ADAMTS19: variants seen among roughly 807,000 people sequenced by gnomAD.
ADAMTS19 encodes the protein A disintegrin and metalloproteinase with thrombospondin motifs 19.
A neutral mutation model predicts 153.3 loss-of-function variants in ADAMTS19; 93 were observed. The ratio of observed to expected loss-of-function variants is 0.61; its 90% CI spans 0.51 to 0.72. The LOEUF (loss-of-function observed/expected upper bound fraction) is 0.72. Ranked by LOEUF, ADAMTS19 falls within the 30% of genes least tolerant of loss-of-function variation. The pLI, the probability that ADAMTS19 is intolerant of heterozygous loss-of-function variation, is 0.00. For synonymous variants in ADAMTS19, 600 were observed against 556.6 expected (o/e 1.08, Z -1.10); for missense variants, 1,482 against 1,552.1 (o/e 0.95, Z 0.76).
chr5:129,654,481 G>T (rs1246258292), intron 14 of ADAMTS19, 48 bp downstream of exon 14: 11 of 1,582,424 alleles, frequency 7.0e-6, no homozygotes, highest in Middle Eastern at 1.7e-4. Flanking sequence ...AAGGAAAATT[G>T]TGGGACCACT....
At chr5:129,511,733 C>T (rs770016744) in intron 3 of ADAMTS19, among the ~76,000 whole-genome samples, 8 of 151,678 alleles carry the variant, frequency 5.3e-5, no homozygotes, top group South Asian at 4.2e-4. Flanking sequence ...TAATGGACTT[C>T]GGGATCAGAC....
At chr5:129,611,138 T>G (rs1751193102) in intron 8 of ADAMTS19, among the ~76,000 whole-genome samples, 1 of 151,958 alleles carries the variant, frequency 6.6e-6, no homozygotes, top group Admixed American at 6.6e-5. Flanking sequence ...TGGGGTCGTT[T>G]GCTTTTCTCT....
intron 21 of ADAMTS19, among the ~76,000 whole-genome samples, chr5:129,710,576 A>C (rs1312453794): frequency 6.6e-6 from 1 of 152,168 alleles, no homozygotes; most frequent in Non-Finnish European, 1.5e-5. Context: ...GGTGATATTA[A>C]AATGTTCAAG....
chr5:129,716,339 C>T (rs1271270024), intron 21 of ADAMTS19, among the ~76,000 whole-genome samples: 1 of 152,012 alleles, frequency 6.6e-6, no homozygotes, highest in East Asian at 1.9e-4. Context: ...GCTGGGACTA[C>T]AGGCATGCAC....
intron 21 of ADAMTS19, among the ~76,000 whole-genome samples, chr5:129,724,328 T>A (rs144518024): frequency 2.4e-3 from 373 of 152,316 alleles, no homozygotes; most frequent in African/African-American, 8.5e-3. Context: ...GCTTTGTCAA[T>A]CTTAAGGTCT....
chr5:129,620,686 G>A lies in ADAMTS19; in HGVS notation c.1547G>A (p.Trp516Ter). Residue 516 changes from tryptophan (W) to a stop codon, truncating the protein, a stop_gained, in exon 9 of 23, where the codon TGG (tryptophan) becomes TAG (stop). Transcript: ENST00000274487. LOFTEE classifies it high-confidence loss of function. Reference protein sequence around the residue: ...ADGLHIMSGEWIKGQNLGDVS... With the variant: ...ADGLHIMSGE Reference sequence around the variant, plus strand: ...GGTCTTCATATCATGTCTGGTGAATGGATTAAAGGACAGAATCTTGGTGAC... The same window carrying A: ...GGTCTTCATATCATGTCTGGTGAATAGATTAAAGGACAGAATCTTGGTGAC... 1.2e-6 allele frequency: 2 copies of A among 1,612,968 alleles called. No individual in the cohort carries two copies. The highest frequency in any genetic ancestry group is 8.5e-7 in the Non-Finnish European group (1 of 1,179,276).
intron 10 of ADAMTS19, among the ~76,000 whole-genome samples, chr5:129,634,635 A>C (rs1306449309): frequency 5.9e-5 from 9 of 151,872 alleles, no homozygotes; most frequent in Non-Finnish European, 1.3e-4. Context: ...GCAAACCTAC[A>C]ACTATCTTAT....
At chr5:129,528,427 A>T in intron 5 of ADAMTS19, 93 bp from the exon 6 acceptor site, 1 of 1,018,554 alleles carries the variant, frequency 9.8e-7, no homozygotes, top group Non-Finnish European at 1.4e-6. Flanking sequence ...TTGCTTTAGT[A>T]ATTCAAGAGT....
chr5:129,604,057 G>C (rs969635929), intron 8 of ADAMTS19, among the ~76,000 whole-genome samples: 2 of 151,932 alleles, frequency 1.3e-5, no homozygotes, highest in Non-Finnish European at 2.9e-5. Context: ...GTTCCAGTGA[G>C]AGCACATAGA....
chr5:129,463,395 T>TA (rs556293571), intron 2 of ADAMTS19, among the ~76,000 whole-genome samples: 276 of 152,264 alleles, frequency 1.8e-3, no homozygotes, highest in African/African-American at 6.3e-3. Context: ...AAAGTATTTA[T>TA]AAAAAAAGAA....
At chr5:129,730,619 G>A (rs1198707701) in intron 21 of ADAMTS19, among the ~76,000 whole-genome samples, 1 of 151,978 alleles carries the variant, frequency 6.6e-6, no homozygotes, top group Non-Finnish European at 1.5e-5. Context: ...AATACAAAGG[G>A]TCTATGTTAA....
At chr5:129,570,792 T>A (rs543885965) in intron 7 of ADAMTS19, among the ~76,000 whole-genome samples, 1 of 152,022 alleles carries the variant, frequency 6.6e-6, no homozygotes, top group South Asian at 2.1e-4. Flanking sequence ...TGCAATCAAA[T>A]ACATTAAAAG....
intron 4 of ADAMTS19, 47 bp from the exon 5 acceptor site, chr5:129,527,701 A>G: frequency 9.1e-7 from 1 of 1,101,912 alleles, no homozygotes; most frequent in East Asian, 2.7e-5. Flanking sequence ...AAAAATTAAG[A>G]TGATTTTCAG....
chr5:129,481,627 T>C lies in ADAMTS19; in HGVS notation c.747+19870T>C, dbSNP rs192167681. Among the ~76,000 whole-genome samples, 33 of 152,318 alleles carry C rather than the reference T, an allele frequency of 2.2e-4. No individual in the cohort carries two copies. In the East Asian group the frequency reaches 5.8e-3, roughly 27 times the overall value. On this transcript the variant is annotated intron_variant, in intron 2 of 22. Coordinates refer to ENST00000274487, the MANE Select transcript of ADAMTS19 (RefSeq NM_133638.6). Reference sequence around the variant, plus strand: ...TGCATTTTAGTGGTGCGATCTCAGGTGATCTTTGCTTGTTTAGCCCACATT... The same window carrying C: ...TGCATTTTAGTGGTGCGATCTCAGGCGATCTTTGCTTGTTTAGCCCACATT...
intron 19 of ADAMTS19, among the ~76,000 whole-genome samples, chr5:129,700,155 G>C (rs1234919544): frequency 6.6e-6 from 1 of 152,186 alleles, no homozygotes; most frequent in African/African-American, 2.4e-5. Flanking sequence ...ATAGGTTTTA[G>C]TTCTTTCCTA....
At chr5:129,690,627 T>C (rs1254976492) in intron 18 of ADAMTS19, among the ~76,000 whole-genome samples, 1 of 152,070 alleles carries the variant, frequency 6.6e-6, no homozygotes, top group Non-Finnish European at 1.5e-5. Flanking sequence ...AAAAAGTAAA[T>C]GGCATGACAT....
chr5:129,706,563 C>CAAAAAAAAA (rs1175652790), intron 21 of ADAMTS19, among the ~76,000 whole-genome samples: 1 of 66,614 alleles, frequency 1.5e-5, no homozygotes. Context: ...GAGTGAAACT[C>CAAAAAAAAA]AAAAAAAAAA....
At chr5:129,555,875 G>T (rs7707606) in intron 7 of ADAMTS19, among the ~76,000 whole-genome samples, 13,084 of 152,110 alleles carry the variant, frequency 0.086, 638 homozygotes, top group Middle Eastern at 0.16. Flanking sequence ...GAATTAAATT[G>T]GAAATGACAA....
intron 8 of ADAMTS19, among the ~76,000 whole-genome samples, chr5:129,616,166 AT>A (rs1369190880): frequency 6.6e-6 from 1 of 152,022 alleles, no homozygotes; most frequent in Admixed American, 6.6e-5. Context: ...ACAAAAATAT[AT>A]TGTATATCTG....
Sources: allele counts gnomAD v4.1 joint callset (sites outside exome capture counted in the v4.1 genomes callset), GRCh38; gene constraint gnomAD v4.1.1; transcripts MANE v1.5; gene names NCBI Gene and HGNC (gene_info 2026-07-23, HGNC 2026-07-21).